The following MPP7 variants were observed in gnomAD, a reference collection of about 807,000 sequenced individuals.
MPP7 encodes the protein MAGUK p55 subfamily member 7.
Under a neutral mutation model 76.5 loss-of-function variants are expected in MPP7, and 60 were observed. That is an observed-to-expected ratio of 0.78 (90% confidence interval 0.64 to 0.97). The LOEUF is 0.97. MPP7 is among the 50% of genes least tolerant of loss of function. The probability of loss-of-function intolerance (pLI) is 0.00; values close to 1 mark genes in which losing one functional copy is unlikely to be tolerated. For synonymous variants in MPP7, 237 were observed against 244.5 expected (o/e 0.97, Z 0.29); for missense variants, 641 against 694.0 (o/e 0.92, Z 0.86).
rs1389671629 is a variant in MPP7 at position 28,094,298 on chromosome 10, GGT to G, written c.953-4459_953-4458del. On this transcript the variant is annotated intron_variant, in intron 11 of 16. Transcript: ENST00000683449. ...CAATGCAAAGGAGCAAAGGCAGTGA[GGT>G]CGCAACAGGGGTTCCATGGGAGCAG... Among the ~76,000 whole-genome samples the G allele has an allele frequency of 3.7e-3, 570 of 152,266 alleles. 1 individual carries two copies. Among genetic ancestry groups the G allele is most frequent in the African/African-American group, 0.013 (534 of 41,550 alleles).
At chr10:28,075,984 T>C (rs1852465863) in intron 12 of MPP7, among the ~76,000 whole-genome samples, 1 of 152,230 alleles carries the variant, frequency 6.6e-6, no homozygotes, top group Admixed American at 6.5e-5. Context: ...CAGGTGAAAC[T>C]TTGTTGAATG....
chr10:28,245,395 T>C (rs1196410630), intron 1 of MPP7, among the ~76,000 whole-genome samples: 1 of 152,160 alleles, frequency 6.6e-6, no homozygotes, highest in Non-Finnish European at 1.5e-5. Context: ...TATCATCATA[T>C]GTCCCTAAAA....
intron 12 of MPP7, among the ~76,000 whole-genome samples, chr10:28,083,727 AG>A (rs1223936717): frequency 6.6e-6 from 1 of 151,538 alleles, no homozygotes; most frequent in East Asian, 1.9e-4. Context: ...TAGTAGAGAC[AG>A]GGTTTCACCA....
At chr10:28,163,249 A>T (rs1836326341) in intron 3 of MPP7, among the ~76,000 whole-genome samples, 2 of 152,096 alleles carry the variant, frequency 1.3e-5, no homozygotes, top group South Asian at 4.1e-4. Flanking sequence ...CAGTGTCTTG[A>T]ATCTAGATCC....
At chr10:28,177,642 A>G (rs921776121) in intron 3 of MPP7, among the ~76,000 whole-genome samples, 7 of 152,254 alleles carry the variant, frequency 4.6e-5, no homozygotes, top group African/African-American at 1.7e-4. Context: ...TACAAAGTTT[A>G]GTGATTAAAG....
At chr10:28,129,744 C>T (rs947763326) in intron 6 of MPP7, among the ~76,000 whole-genome samples, 4 of 152,062 alleles carry the variant, frequency 2.6e-5, no homozygotes, top group Admixed American at 6.5e-5. Flanking sequence ...ACATCTGAGA[C>T]GCTTTTTAAA....
In MPP7 at chr10:28,323,128, TACAA is replaced by T. The variant is rs1425048343; in HGVS notation, c.-132+6797_-132+6800del. 4.0e-5 allele frequency among the ~76,000 whole-genome samples: 6 copies of T among 151,856 alleles called. No homozygotes were observed. In the East Asian group the frequency reaches 1.2e-3, roughly 29 times the overall value. ...GGTGAAACCCCGTCTCTACTAAAAA[TACAA>T]ACAATTAGCCGGGCGTGGTGGAGGC... is the stretch of plus-strand genomic sequence containing the variant. On this transcript the variant is annotated intron_variant, in intron 2 of 11. Coordinates refer to the MPP7 transcript ENST00000441595.
chr10:28,165,939 C>T (rs530555671), intron 3 of MPP7, among the ~76,000 whole-genome samples: 3 of 150,472 alleles, frequency 2.0e-5, no homozygotes, highest in African/African-American at 4.9e-5. Context: ...GCCGAAGAAT[C>T]GCTTGAACTC....
chr10:28,306,879 G>T (rs1841261386), upstream of MPP7, among the ~76,000 whole-genome samples: 2 of 152,028 alleles, frequency 1.3e-5, no homozygotes, highest in Admixed American at 6.5e-5. Flanking sequence ...TCCATAGCAG[G>T]TGCTCTCTCT....
intron 1 of MPP7, among the ~76,000 whole-genome samples, chr10:28,253,066 C>A (rs1445574469): frequency 6.6e-6 from 1 of 152,110 alleles, no homozygotes; most frequent in Non-Finnish European, 1.5e-5. Flanking sequence ...CACCACCATG[C>A]CCAACTAATT....
intron 14 of MPP7, among the ~76,000 whole-genome samples, chr10:28,059,186 G>A (rs1248386850): frequency 1.3e-5 from 2 of 152,180 alleles, no homozygotes; most frequent in Non-Finnish European, 2.9e-5. Flanking sequence ...ACTGGGGTGG[G>A]CTTGGAGCTA....
rs769024235 is a variant in MPP7, at chr10:28,069,856, A to T, written c.1124-4T>A. ...TTCAGCCCTACTCCCACGGGACCTGAAAAACAGGGTAACAGAAATTCATTA... is the reference window on the plus strand; with the variant it reads ...TTCAGCCCTACTCCCACGGGACCTGTAAAACAGGGTAACAGAAATTCATTA... On this transcript the variant is annotated splice_polypyrimidine_tract_variant and splice_region_variant and intron_variant, in intron 12 of 16. Coordinates refer to ENST00000683449, the MANE Select transcript of MPP7 (RefSeq NM_001318170.2). The T allele has an allele frequency of 6.2e-7, 1 of 1,612,102 alleles. No homozygotes were observed. Among genetic ancestry groups the T allele is most frequent in the South Asian group, 1.1e-5 (1 of 90,844 alleles).
chr10:28,069,080 C>T (rs1354879903), intron 13 of MPP7, among the ~76,000 whole-genome samples: 5 of 152,042 alleles, frequency 3.3e-5, no homozygotes, highest in African/African-American at 9.7e-5. Context: ...ACCATACGTG[C>T]TTGGTAAGTA....
At chr10:28,303,591 G>A (rs1400149815), upstream of MPP7, 1 of 152,170 alleles carries the variant, frequency 6.6e-6, no homozygotes, top group Non-Finnish European at 1.5e-5. Context: ...TTTCACCTTT[G>A]GCGACACTGT....
At chr10:28,068,468 C>T (rs1488504902) in intron 13 of MPP7, among the ~76,000 whole-genome samples, 1 of 150,608 alleles carries the variant, frequency 6.6e-6, no homozygotes, top group Admixed American at 6.6e-5. Context: ...TCAATTTAGC[C>T]TTTTAGACAG....
intron 2 of MPP7, among the ~76,000 whole-genome samples, chr10:28,208,045 A>C (rs1838005126): frequency 6.6e-6 from 1 of 152,190 alleles, no homozygotes; most frequent in Non-Finnish European, 1.5e-5. Flanking sequence ...GTAAAGTCAG[A>C]GAGAACTCTA....
At chr10:28,287,151 A>G (rs144248197) in intron 1 of MPP7, among the ~76,000 whole-genome samples, 46 of 152,372 alleles carry the variant, frequency 3.0e-4, no homozygotes, top group African/African-American at 1.0e-3. Flanking sequence ...TGCTTCAAAA[A>G]AAAATAATAA....
At chr10:28,167,743 T>C (rs1373016200) in intron 3 of MPP7, among the ~76,000 whole-genome samples, 1 of 152,238 alleles carries the variant, frequency 6.6e-6, no homozygotes, top group Non-Finnish European at 1.5e-5. Flanking sequence ...TCACAGGATA[T>C]AAATATTTTT....
intron 2 of MPP7, among the ~76,000 whole-genome samples, chr10:28,313,579 G>A (rs549458745): frequency 2.4e-4 from 36 of 152,198 alleles, no homozygotes; most frequent in African/African-American, 7.9e-4. Flanking sequence ...AAGAATGTAA[G>A]ATATACATAA....
Sources: allele counts gnomAD v4.1 joint callset (sites outside exome capture counted in the v4.1 genomes callset), GRCh38; gene constraint gnomAD v4.1.1; transcripts MANE v1.5; gene names NCBI Gene and HGNC (gene_info 2026-07-23, HGNC 2026-07-21).